Variants in RUNX1T1 observed in about 807,000 individuals in gnomAD.
RUNX1T1 encodes protein CBFA2T1.
In RUNX1T1, 4 loss-of-function variants were observed where a neutral mutation model predicts 62.8. That is an observed-to-expected ratio of 0.06 (90% CI 0.03 to 0.15). The LOEUF is 0.15. Among genes scored for constraint, RUNX1T1 ranks in the 10% least tolerant of loss-of-function variants. RUNX1T1 has a pLI of 1.00. For synonymous variants in RUNX1T1, 291 were observed against 286.0 expected (o/e 1.02, Z -0.18); for missense variants, 508 against 754.3 (o/e 0.67, Z 3.82).
Position 91,975,893 on chromosome 8 carries a change from A to G in RUNX1T1, c.1267+12T>C, listed in dbSNP as rs1563645266. ...CCAGAACACGAAACTCATGTTTTTA[A>G]ACAATTCTTACCAGCTTTCTTCCAG... On this transcript the variant is annotated intron_variant, in intron 9 of 10. Coordinates refer to ENST00000396218, the Ensembl canonical transcript of RUNX1T1. The G allele has an allele frequency of 1.9e-6, 3 of 1,596,288 alleles. No individual in the cohort carries two copies. Among genetic ancestry groups the G allele is most frequent in the Non-Finnish European group, 1.7e-6 (2 of 1,163,760 alleles).
chr8:92,078,208 A>T (rs1563914677), intron 1 of RUNX1T1, among the ~76,000 whole-genome samples: 3 of 152,098 alleles, frequency 2.0e-5, no homozygotes, highest in Non-Finnish European at 4.4e-5. Context: ...AACTAAAAAA[A>T]AAAAAAGAGC....
chr8:92,091,132 A>ATCTAAG (rs920682530), intron 1 of RUNX1T1, among the ~76,000 whole-genome samples: 5 of 152,170 alleles, frequency 3.3e-5, no homozygotes, highest in African/African-American at 1.2e-4. Context: ...TGGAGACACA[A>ATCTAAG]CGGGAAAACT....
Position 92,077,242 on chromosome 8 carries a change from G to A in RUNX1T1, c.-85-1105C>T, listed in dbSNP as rs1170029128. ...ACTGATTAATTAAAATACATTACTA[G>A]ATATTTCTTAGTTGGGAATTGCCTT... On this transcript the variant is annotated intron_variant, in intron 1 of 11. Coordinates refer to the RUNX1T1 transcript ENST00000265814. Among the ~76,000 whole-genome samples, 3 of 152,112 alleles carry A rather than the reference G, an allele frequency of 2.0e-5. No individual in the cohort carries two copies. In the East Asian group the frequency reaches 5.8e-4, roughly 29 times the overall value.
intron 1 of RUNX1T1, among the ~76,000 whole-genome samples, chr8:92,082,843 G>C (rs1409626304): frequency 6.6e-6 from 1 of 152,078 alleles, no homozygotes; most frequent in Non-Finnish European, 1.5e-5. Flanking sequence ...AGAGTACTCA[G>C]ACTGGGGATC....
At chr8:92,096,743 AAT>A (rs1837778581) in intron 1 of RUNX1T1, among the ~76,000 whole-genome samples, 1 of 152,136 alleles carries the variant, frequency 6.6e-6, no homozygotes, top group Non-Finnish European at 1.5e-5. Flanking sequence ...CAGGTTATAA[AAT>A]AGTTTTATGC....
chr8:92,091,236 G>A (rs776122203), intron 1 of RUNX1T1, among the ~76,000 whole-genome samples: 16 of 152,120 alleles, frequency 1.1e-4, no homozygotes, highest in South Asian at 2.1e-4. Context: ...GGCCTTGATC[G>A]ATATGAAACC....
chr8:92,047,009 AATAAGAAT>A (rs1451397093), intron 1 of RUNX1T1, among the ~76,000 whole-genome samples: 3 of 152,200 alleles, frequency 2.0e-5, no homozygotes, highest in African/African-American at 7.2e-5. Flanking sequence ...TGCAGGGAAG[AATAAGAAT>A]ATACTCAACC....
intron 5 of RUNX1T1, chr8:92,004,887 T>G: frequency 2.3e-6 from 1 of 434,696 alleles, no homozygotes; most frequent in Non-Finnish European, 4.0e-6. Context: ...GCTTTAATAC[T>G]ACAAGCAGAA....
chr8:92,060,545 A>ATGTGTGTGTGTGTGTG (rs1317671685), intron 1 of RUNX1T1, among the ~76,000 whole-genome samples: 1 of 103,746 alleles, frequency 9.6e-6, no homozygotes, highest in Non-Finnish European at 2.2e-5. Context: ...ATATATATAT[A>ATGTGTGTGTGTGTGTG]TATATATATG....
chr8:92,017,511 G>C, intron 1 of RUNX1T1, 148 bp from the exon 3 acceptor site: 1 of 1,527,604 alleles, frequency 6.5e-7, no homozygotes, highest in Non-Finnish European at 8.8e-7. Context: ...GTTTAAATCA[G>C]GATTTTATCA....
intron 5 of RUNX1T1, among the ~76,000 whole-genome samples, chr8:91,999,912 C>T (rs1819439736): frequency 6.6e-6 from 1 of 152,086 alleles, no homozygotes; most frequent in Admixed American, 6.6e-5. Flanking sequence ...AAGTTAGACC[C>T]TAACAAAGCA....
intron 1 of RUNX1T1, among the ~76,000 whole-genome samples, chr8:92,047,603 A>T (rs1219689588): frequency 3.3e-5 from 5 of 152,202 alleles, no homozygotes; most frequent in Admixed American, 2.0e-4. Flanking sequence ...AAAGTATAGC[A>T]TGTATTAAGA....
At chr8:92,066,144 T>C (rs1832839004), upstream of RUNX1T1, among the ~76,000 whole-genome samples, 1 of 152,226 alleles carries the variant, frequency 6.6e-6, no homozygotes, top group African/African-American at 2.4e-5. Flanking sequence ...TTATTCTGAC[T>C]TTTTATGTGC....
intron 1 of RUNX1T1, among the ~76,000 whole-genome samples, chr8:92,034,799 C>T (rs1293827730): frequency 0.033 from 2,636 of 80,588 alleles, 101 homozygotes; most frequent in African/African-American, 0.074. Flanking sequence ...TACATATATA[C>T]ACACACACAC....
intron 5 of RUNX1T1, among the ~76,000 whole-genome samples, chr8:91,996,358 C>G (rs1004616085): frequency 3.9e-5 from 6 of 152,098 alleles, no homozygotes; most frequent in Non-Finnish European, 7.4e-5. Context: ...CCCGCCACCA[C>G]GCCTGGCTAA....
rs536498386 is a variant in RUNX1T1, at chr8:91,979,105, A to C, written c.1199-3132T>G. On this transcript the variant is annotated intron_variant, in intron 8 of 10. Transcript: ENST00000396218. ...AAACATCAGGTCTACCAACAGAAAGAACAGAGTGATTGGTAGTAGGTATAC... is the reference window on the plus strand; with the variant it reads ...AAACATCAGGTCTACCAACAGAAAGCACAGAGTGATTGGTAGTAGGTATAC... Among the ~76,000 whole-genome samples, 6 of 152,344 alleles carry C rather than the reference A, an allele frequency of 3.9e-5. No homozygotes were observed. The South Asian group carries it at 1.2e-3, about 32-fold the overall frequency.
At chr8:92,046,032 T>C (rs138024187) in intron 1 of RUNX1T1, among the ~76,000 whole-genome samples, 56 of 152,326 alleles carry the variant, frequency 3.7e-4, no homozygotes, top group African/African-American at 1.1e-3. Flanking sequence ...AACATGCCTG[T>C]ATTACATAGG....
At chr8:92,034,842 G>C (rs1827104061) in intron 1 of RUNX1T1, among the ~76,000 whole-genome samples, 1 of 101,536 alleles carries the variant, frequency 9.8e-6, no homozygotes, top group African/African-American at 4.4e-5. Context: ...ACACACCATG[G>C]AATACCACCC....
chr8:91,977,248 T>G (rs1814167424), intron 8 of RUNX1T1: 2 of 195,074 alleles, frequency 1.0e-5, no homozygotes, highest in South Asian at 3.8e-4. Context: ...ATATGGAAAC[T>G]ATATCATCTT....
Sources: gnomAD v4.1 joint callset for allele counts (sites outside exome capture counted in the v4.1 genomes callset) on GRCh38, gnomAD v4.1.1 for gene constraint, MANE v1.5 for transcripts, NCBI Gene and HGNC (gene_info 2026-07-23, HGNC 2026-07-21) for gene names.